Variants in HBP1 observed in about 807,000 individuals in gnomAD.
The protein encoded by HBP1 is HMG-box transcription factor 1.
A neutral mutation model predicts 62.6 loss-of-function variants in HBP1; 20 were observed. The observed-to-expected ratio is 0.32, with a 90% confidence interval of 0.22 to 0.46. The LOEUF is 0.46. HBP1 is among the 20% of genes least tolerant of loss of function. The pLI, the probability that HBP1 is intolerant of heterozygous loss-of-function variation, is 1.00. For missense variants in HBP1, 480 were observed against 611.8 expected, an observed-to-expected ratio of 0.78 and a Z score of 2.27; for synonymous variants, 232 against 206.2, an observed-to-expected ratio of 1.12 and a Z score of -1.07.
At chr7:107,192,545 A>C (rs535413395) in intron 8 of HBP1, 2 of 152,226 alleles carry the variant, frequency 1.3e-5, no homozygotes, top group South Asian at 4.1e-4. Flanking sequence ...TGGAAATATT[A>C]TTCTTAATTT....
At chr7:107,184,115 C>T (rs1056544904) in intron 3 of HBP1, among the ~76,000 whole-genome samples, 1 of 152,100 alleles carries the variant, frequency 6.6e-6, no homozygotes, top group Non-Finnish European at 1.5e-5. Context: ...TTTGTTACTT[C>T]TGTTTTAAAT....
At chr7:107,195,451 G>C (rs1433097305) in intron 8 of HBP1, among the ~76,000 whole-genome samples, 1 of 152,150 alleles carries the variant, frequency 6.6e-6, no homozygotes, top group Non-Finnish European at 1.5e-5. Flanking sequence ...GTGCCTATAG[G>C]CCAAGAAACC....
At chr7:107,182,055 G>C (rs1360513384) in intron 2 of HBP1, among the ~76,000 whole-genome samples, 2 of 152,070 alleles carry the variant, frequency 1.3e-5, no homozygotes, top group Admixed American at 1.3e-4. Context: ...CTGTATAACA[G>C]GTTATTAAAG....
chr7:107,176,324 C>A (rs1453565497), intron 1 of HBP1, among the ~76,000 whole-genome samples: 5 of 152,024 alleles, frequency 3.3e-5, no homozygotes, highest in Non-Finnish European at 5.9e-5. Flanking sequence ...GATCTAGCCC[C>A]TTCTTTTCTT....
chr7:107,169,394 C>T (rs1209828219), intron 1 of HBP1, among the ~76,000 whole-genome samples: 1 of 118,836 alleles, frequency 8.4e-6, no homozygotes, highest in Non-Finnish European at 1.7e-5. Flanking sequence ...TTCGGGGCGG[C>T]GGCGCTAGGG....
At chr7:107,181,355 C>G (rs1225186399) in intron 2 of HBP1, among the ~76,000 whole-genome samples, 1 of 152,008 alleles carries the variant, frequency 6.6e-6, no homozygotes, top group Non-Finnish European at 1.5e-5. Flanking sequence ...GCCTGTAGTC[C>G]TAGCTACTTG....
intron 1 of HBP1, chr7:107,174,662 C>T (rs922392537): frequency 1.0e-6 from 1 of 983,944 alleles, no homozygotes; most frequent in Non-Finnish European, 1.2e-6. Flanking sequence ...TTCTGTGGAC[C>T]CCAAGAACAG....
chr7:107,169,166 C>T lies in HBP1; in HGVS notation c.-35C>T, dbSNP rs1796419845. The T allele has an allele frequency of 9.1e-7, 1 of 1,093,854 alleles. No individual in the cohort carries two copies. The highest frequency in any genetic ancestry group is 4.2e-5 in the Admixed American group (1 of 23,802). 67.8% of individuals were successfully genotyped at this position (1,093,854 alleles called of 1,614,324 possible). ...GTGGCCGGAGCGGCCCGCGCCTGGGCTGCCGGCACTTCGCGGCAGGTTTGT... is the reference window on the plus strand; with the variant it reads ...GTGGCCGGAGCGGCCCGCGCCTGGGTTGCCGGCACTTCGCGGCAGGTTTGT... On this transcript the variant is annotated 5_prime_UTR_variant, in exon 1 of 11. Coordinates refer to ENST00000222574, the MANE Select transcript of HBP1 (RefSeq NM_012257.4).
At chr7:107,196,831 G>C (rs1797928918) in intron 9 of HBP1, 1 of 154,238 alleles carries the variant, frequency 6.5e-6, no homozygotes, top group Non-Finnish European at 1.4e-5. Flanking sequence ...TTTTTGTAGA[G>C]ATAGGGTTGT....
At chr7:107,182,681 A>G in intron 3 of HBP1, 80 bp downstream of exon 3, 1 of 708,996 alleles carries the variant, frequency 1.4e-6, no homozygotes, top group Non-Finnish European at 2.3e-6. Flanking sequence ...CTAGTTTAAA[A>G]GTAGTAATAC....
At chr7:107,171,190 C>T (rs994487310) in intron 1 of HBP1, among the ~76,000 whole-genome samples, 9 of 149,796 alleles carry the variant, frequency 6.0e-5, no homozygotes, top group Non-Finnish European at 1.2e-4. Context: ...TTGCCTCAGC[C>T]TCCTGAGTAG....
At chr7:107,170,032 G>T (rs1796479443) in intron 1 of HBP1, 1 of 985,368 alleles carries the variant, frequency 1.0e-6, no homozygotes, top group African/African-American at 1.7e-5. Flanking sequence ...GCTGCGTGCT[G>T]TCTAGGGTGT....
intron 10 of HBP1, 66 bp from the exon 11 acceptor site, chr7:107,201,348 T>C: frequency 1.1e-6 from 1 of 929,980 alleles, no homozygotes; most frequent in South Asian, 1.5e-5. Context: ...ACATCTTAGC[T>C]TTCATATATA....
intron 7 of HBP1, chr7:107,189,962 TG>T (rs930707011): frequency 9.6e-6 from 4 of 417,734 alleles, no homozygotes; most frequent in Non-Finnish European, 1.3e-5. Flanking sequence ...AATAAAATGC[TG>T]AACAATAAGC....
intron 9 of HBP1, among the ~76,000 whole-genome samples, chr7:107,197,686 A>G (rs1043139784): frequency 2.0e-5 from 3 of 152,106 alleles, no homozygotes; most frequent in Non-Finnish European, 2.9e-5. Flanking sequence ...GCTTTTTAAT[A>G]CTATTGAAAT....
At chr7:107,179,630 G>A (rs1797016245) in intron 1 of HBP1, 1 of 214,728 alleles carries the variant, frequency 4.7e-6, no homozygotes, top group Non-Finnish European at 9.3e-6. Flanking sequence ...AAATTAGCTC[G>A]GCGTGGTGGC....
intron 2 of HBP1, 33 bp downstream of exon 2, chr7:107,180,095 A>C: frequency 4.5e-5 from 61 of 1,370,744 alleles, no homozygotes; most frequent in Non-Finnish European, 5.6e-5. Context: ...TAGAAATCTC[A>C]CTAAGATTCA....
intron 8 of HBP1, chr7:107,193,018 A>G (rs936795378): frequency 2.0e-5 from 3 of 152,226 alleles, no homozygotes; most frequent in South Asian, 2.1e-4. Flanking sequence ...TACAGAGGAC[A>G]TGTGAGTAGT....
In HBP1 at chr7:107,201,581, T is replaced by C. The variant is rs892397863; in HGVS notation, c.*150T>C. ...TGAGTCTTGAAATGATTTAATAATA[T>C]GAGTGAGGATTTGCTTTCTCCATTA... On this transcript the variant is annotated 3_prime_UTR_variant, in exon 11 of 11. Transcript: ENST00000222574. 6 of 463,364 alleles carry C rather than the reference T, an allele frequency of 1.3e-5. No individual in the cohort carries two copies. Among genetic ancestry groups the C allele is most frequent in the Admixed American group, 3.9e-5 (1 of 25,558 alleles). 28.7% of individuals were successfully genotyped at this position (463,364 alleles called of 1,614,324 possible).
Sources: allele counts gnomAD v4.1 joint callset (sites outside exome capture counted in the v4.1 genomes callset), GRCh38; gene constraint gnomAD v4.1.1; transcripts MANE v1.5; gene names NCBI Gene and HGNC (gene_info 2026-07-23, HGNC 2026-07-21).